TNRC18: variants seen among roughly 807,000 people sequenced by gnomAD.
The protein encoded by TNRC18 is trinucleotide repeat-containing gene 18 protein.
A neutral mutation model predicts 226.7 loss-of-function variants in TNRC18; 69 were observed. The observed-to-expected ratio is 0.30, with a 90% confidence interval of 0.25 to 0.37. The LOEUF (loss-of-function observed/expected upper bound fraction) is 0.37, where lower values mean the gene tolerates loss of function less well. Ranked by LOEUF, TNRC18 falls within the 10% of genes least tolerant of loss-of-function variation. The pLI is 1.00. For missense variants in TNRC18, 4,754 were observed against 4,256.6 expected (o/e 1.12, Z -3.25); for synonymous variants, 2,449 against 1,927.6 (o/e 1.27, Z -7.09).
intron 5 of TNRC18, among the ~76,000 whole-genome samples, chr7:5,385,089 G>A (rs1057487765): frequency 3.3e-5 from 5 of 152,240 alleles, no homozygotes; most frequent in Non-Finnish European, 7.3e-5. Flanking sequence ...AGGCACAGAG[G>A]ATGGGGAGAC....
chr7:5,395,447 C>A (rs1780607796), intron 2 of TNRC18, among the ~76,000 whole-genome samples: 2 of 152,218 alleles, frequency 1.3e-5, no homozygotes, highest in South Asian at 2.1e-4. Context: ...CCATGCCCCA[C>A]GTGGCCAGGC....
intron 20 of TNRC18, 65 bp downstream of exon 20, chr7:5,325,031 T>A: frequency 2.0e-6 from 3 of 1,526,706 alleles, no homozygotes; most frequent in Non-Finnish European, 2.6e-6. Context: ...TGGAGCCCCC[T>A]GCCCTGACCA....
intron 2 of TNRC18, among the ~76,000 whole-genome samples, chr7:5,400,255 C>A (rs1780991018): frequency 6.6e-6 from 1 of 152,068 alleles, no homozygotes; most frequent in Non-Finnish European, 1.5e-5. Flanking sequence ...GCTAAAAGCA[C>A]CTACTACAAG....
chr7:5,379,700 G>A (rs892234849), intron 5 of TNRC18, among the ~76,000 whole-genome samples: 19 of 152,354 alleles, frequency 1.2e-4, no homozygotes, highest in East Asian at 3.9e-4. Flanking sequence ...GGGACACACC[G>A]GACAGGTGAA....
At position 5,313,034 on chromosome 7, in the gene TNRC18, T is replaced by G. The variant is rs866165739; in HGVS notation, c.7857A>C (p.Ser2619=). The part of the protein sequence containing the change: ...AASPASSSSS[S]SSSSSSSSSS... ...AGGAGGAGGAGGAGGAGGAGGAGGA[T>G]GAGGAGGAGGAGGAGGAGGCCGGTG... The change falls in exon 27 of 30, where the codon TCA becomes TCC. Residue 2619 remains serine, a synonymous_variant. Transcript: ENST00000430969. The G allele has an allele frequency of 0.013, 10,418 of 801,894 alleles. 336 individuals are homozygous for G. The highest frequency in any genetic ancestry group is 0.12 in the East Asian group (3,724 of 31,936). 49.7% of individuals were successfully genotyped at this position (801,894 alleles called of 1,614,324 possible).
chr7:5,310,991 T>C (rs1394397015), intron 27 of TNRC18, among the ~76,000 whole-genome samples: 1 of 151,698 alleles, frequency 6.6e-6, no homozygotes, highest in East Asian at 1.9e-4. Flanking sequence ...CGTGCATGGA[T>C]GCACGTGCAC....
At chr7:5,390,894 TAAC>T (rs1439602084) in intron 3 of TNRC18, among the ~76,000 whole-genome samples, 7 of 148,726 alleles carry the variant, frequency 4.7e-5, no homozygotes, top group Admixed American at 4.0e-4. Flanking sequence ...CGGGGCCCGA[TAAC>T]AGCCTACCAA....
rs1351623770 is a variant in TNRC18 at position 5,324,359 on chromosome 7, G to A, written c.6301-4C>T. The A allele has an allele frequency of 9.3e-6, 15 of 1,613,140 alleles. No individual in the cohort carries two copies. The highest frequency in any genetic ancestry group is 1.3e-5 in the Non-Finnish European group (15 of 1,179,694). ...CGGCACCCCCCTTGCCGCGGTTCTG[G>A]GGACAGAACATGGCCGACAAATGAC... On this transcript the variant is annotated splice_region_variant and splice_polypyrimidine_tract_variant and intron_variant, in intron 20 of 29. Transcript: ENST00000430969. This position sits in a 1 kb window ranked among gnomAD's most constrained non-coding sequence, Gnocchi z 4.8.
rs550682983 is a variant in TNRC18 at position 5,351,938 on chromosome 7, G to A, written c.5351C>T (p.Ala1784Val). 8.1e-6 allele frequency: 13 copies of A among 1,613,588 alleles called. No individual in the cohort carries two copies. The highest frequency in any genetic ancestry group is 1.6e-4 in the Middle Eastern group (1 of 6,074). ...CGGCTTGGGTTTCAGAGTCCGGGGG[G>A]CCGCCAGGCCCCTCTTGGTCAGCTT... ...GPKLTKRGLA[A>V]PRTLKPKPAT... is the part of the protein sequence containing the mutation. The change falls in exon 17 of 30, where the codon GCC becomes GTC. Residue 1784 changes from alanine (A) to valine (V), a missense_variant. Transcript: ENST00000430969.
At position 5,376,043 on chromosome 7, in the gene TNRC18, G is replaced by C. The variant is rs1321193837; in HGVS notation, c.2790C>G (p.Ala930=). 1.3e-6 allele frequency: 2 copies of C among 1,593,454 alleles called. No individual in the cohort carries two copies. The highest frequency in any genetic ancestry group is 1.7e-5 in the Admixed American group (1 of 57,404). Reference sequence around the variant, plus strand: ...ATCCTCCCCGACTTACCACGAGCTGGGCGCTCCTCTGCAGTTCCAAGGCCT... The same window carrying C: ...ATCCTCCCCGACTTACCACGAGCTGCGCGCTCCTCTGCAGTTCCAAGGCCT... ...AAQALELQRS[A]QLVQERLKAQ... The change falls in exon 9 of 30, where the codon GCC becomes GCG. Residue 930 remains alanine (A), a synonymous_variant. Transcript: ENST00000430969.
intron 5 of TNRC18, among the ~76,000 whole-genome samples, chr7:5,384,465 C>G (rs879415965): frequency 6.6e-6 from 1 of 152,116 alleles, no homozygotes; most frequent in Non-Finnish European, 1.5e-5. Flanking sequence ...AGATAAATCC[C>G]CAAACATCTC....
chr7:5,421,010 G>C (rs1369202839), intron 2 of TNRC18, 50 bp downstream of exon 2: 1 of 1,543,962 alleles, frequency 6.5e-7, no homozygotes, highest in East Asian at 2.5e-5. Context: ...CCGGCCGAGT[G>C]GATCTCCCTG....
At chr7:5,347,155 C>T (rs552566389) in intron 17 of TNRC18, among the ~76,000 whole-genome samples, 8 of 150,268 alleles carry the variant, frequency 5.3e-5, no homozygotes, top group Non-Finnish European at 1.2e-4. Context: ...CCAGCCTGGG[C>T]GACAGAGCAA....
Position 5,376,084 on chromosome 7 carries a change from G to T in TNRC18, c.2749C>A (p.Gln917Lys). ...FLRQQEFLYLQQQAAQALELQ... is the reference protein window; with the variant it reads ...FLRQQEFLYLKQQAAQALELQ... ...TCCAAGGCCTGGGCCGCCTGCTGCT[G>T]CAGGTACAGGAACTCCTGCTGCCGC... Residue 917 changes from glutamine to lysine, a missense_variant, in exon 9 of 30, where the codon CAG (glutamine) becomes AAG (lysine). Transcript: ENST00000430969. The T allele has an allele frequency of 1.3e-6, 2 of 1,595,706 alleles. No homozygotes were observed. The highest frequency in any genetic ancestry group is 1.7e-6 in the Non-Finnish European group (2 of 1,172,392).
chr7:5,320,301 G>C lies in TNRC18; in HGVS notation c.6745+17C>G. ...GATGTTAGGCGGCAGGGGAGAGCTG[G>C]GGAGGAGGCATCTCACCTCGGACCA... On this transcript the variant is annotated intron_variant, in intron 24 of 29. Transcript: ENST00000430969. 3.9e-6 allele frequency: 6 copies of C among 1,539,706 alleles called. No individual in the cohort carries two copies. The highest frequency in any genetic ancestry group is 4.4e-6 in the Non-Finnish European group (5 of 1,136,968).
chr7:5,420,183 A>T (rs1425575401), intron 2 of TNRC18: 1 of 338,970 alleles, frequency 3.0e-6, no homozygotes, highest in Non-Finnish European at 5.8e-6. Flanking sequence ...CCGCCCGGGT[A>T]CCGTCCCCAC....
intron 9 of TNRC18, among the ~76,000 whole-genome samples, chr7:5,374,850 C>T (rs547844362): frequency 7.2e-5 from 11 of 152,350 alleles, no homozygotes; most frequent in Admixed American, 2.6e-4. Flanking sequence ...TGGCATTGGG[C>T]GCACTCACTA....
intron 24 of TNRC18, chr7:5,320,107 C>T (rs928280939): frequency 1.1e-5 from 6 of 555,288 alleles, no homozygotes; most frequent in African/African-American, 3.8e-5. Context: ...GCACAGATGA[C>T]AGCACTGCTG....
At chr7:5,413,520 C>T (rs1304762723) in intron 2 of TNRC18, among the ~76,000 whole-genome samples, 1 of 152,128 alleles carries the variant, frequency 6.6e-6, no homozygotes, top group African/African-American at 2.4e-5. Context: ...GGCTAGCAAC[C>T]CAGCCTCGTT....
Sources: gnomAD v4.1 joint callset for allele counts (sites outside exome capture counted in the v4.1 genomes callset) on GRCh38, gnomAD v4.1.1 for gene constraint, Gnocchi (gnomAD v3.1) non-coding constraint, MANE v1.5 for transcripts, NCBI Gene and HGNC (gene_info 2026-07-23, HGNC 2026-07-21) for gene names.